The following PAX5 variants were observed in gnomAD, a reference collection of about 807,000 sequenced individuals.
The protein encoded by PAX5 is paired box 5.
A neutral mutation model predicts 43.7 loss-of-function variants in PAX5; 9 were observed. The observed-to-expected ratio is 0.21, with a 90% CI of 0.12 to 0.36. The LOEUF (loss-of-function observed/expected upper bound fraction) is 0.36. Ranked by LOEUF, PAX5 falls within the 10% of genes least tolerant of loss-of-function variation. The pLI is 1.00. For synonymous variants in PAX5, 228 were observed against 214.3 expected, an observed-to-expected ratio of 1.06 and a Z score of -0.56; for missense variants, 383 against 532.7, an observed-to-expected ratio of 0.72 and a Z score of 2.77.
At chr9:37,021,733 G>A (rs1053842267) in intron 1 of PAX5, among the ~76,000 whole-genome samples, 2 of 152,158 alleles carry the variant, frequency 1.3e-5, no homozygotes, top group Non-Finnish European at 2.9e-5. Flanking sequence ...AGTAAATGAA[G>A]AGCCAAACCA....
rs1210128169 is a variant in PAX5, at chr9:36,835,334, A to AGGCTGGT, written c.*5219_*5225dup. The AGGCTGGT allele has an allele frequency of 2.6e-5, 6 of 232,748 alleles. No individual in the cohort carries two copies. The highest frequency in any genetic ancestry group is 5.6e-5 in the Admixed American group (1 of 17,772). 14.4% of individuals were successfully genotyped at this position (232,748 alleles called of 1,614,324 possible). A position where few individuals can be genotyped will look rare whatever the true frequency, so the allele number is the denominator to read the frequency against. Reference sequence around the variant, plus strand: ...GAGGAATTACCAGAAAAGGAAAGACAGGCTGGTGCCTGCCTGCTCCTGGCC... The same window carrying AGGCTGGT: ...GAGGAATTACCAGAAAAGGAAAGACAGGCTGGTGGCTGGTGCCTGCCTGCTCCTGGCC... On this transcript the variant is annotated 3_prime_UTR_variant, in exon 10 of 10. Transcript: ENST00000358127.
chr9:36,972,953 A>G (rs998159847), intron 5 of PAX5, among the ~76,000 whole-genome samples: 1 of 151,724 alleles, frequency 6.6e-6, no homozygotes, highest in Non-Finnish European at 1.5e-5. Context: ...TCTTGAACCC[A>G]GGAGACGGAG....
At chr9:36,996,893 G>T (rs1278800892) in intron 5 of PAX5, among the ~76,000 whole-genome samples, 2 of 152,208 alleles carry the variant, frequency 1.3e-5, no homozygotes, top group Non-Finnish European at 2.9e-5. Flanking sequence ...AGAAGAAGGA[G>T]AGGGAGAGAG....
rs1175223050 is a variant in PAX5, at chr9:37,015,204, A to C, written c.213-10T>G. 1.6e-5 allele frequency: 25 copies of C among 1,611,830 alleles called. No homozygotes were observed. The highest frequency in any genetic ancestry group is 2.1e-5 in the Non-Finnish European group (25 of 1,178,154). Reference sequence around the variant, plus strand: ...TCCTGTCTCATAATACCTAGGACCCAAAGAGAAAGAAGCTTAGCCATGAGG... The same window carrying C: ...TCCTGTCTCATAATACCTAGGACCCCAAGAGAAAGAAGCTTAGCCATGAGG... On this transcript the variant is annotated splice_polypyrimidine_tract_variant and intron_variant, in intron 2 of 9. Coordinates refer to ENST00000358127, the MANE Select transcript of PAX5 (RefSeq NM_016734.3). This position sits in a 1 kb window ranked among gnomAD's most constrained non-coding sequence, Gnocchi z 4.4.
intron 9 of PAX5, among the ~76,000 whole-genome samples, chr9:36,843,546 G>A (rs140356813): frequency 6.6e-6 from 1 of 152,220 alleles, no homozygotes; most frequent in South Asian, 2.1e-4. Context: ...GCTCCTCCAG[G>A]TTATAGACTT....
intron 8 of PAX5, among the ~76,000 whole-genome samples, chr9:36,848,250 G>A (rs1039425952): frequency 1.3e-5 from 2 of 151,976 alleles, no homozygotes; most frequent in South Asian, 4.2e-4. Flanking sequence ...GATCTGCCAG[G>A]TGGGGCAGGA....
chr9:37,001,727 A>G (rs1248565058), intron 5 of PAX5, among the ~76,000 whole-genome samples: 1 of 149,862 alleles, frequency 6.7e-6, no homozygotes, highest in Non-Finnish European at 1.5e-5. Flanking sequence ...CACAGAGCTG[A>G]GAAAGGGAAT....
At chr9:36,928,161 A>T (rs773074988) in intron 6 of PAX5, among the ~76,000 whole-genome samples, 20 of 152,168 alleles carry the variant, frequency 1.3e-4, no homozygotes, top group Non-Finnish European at 2.8e-4. Context: ...CTAAGTCCTC[A>T]TCACCGTTTG....
Position 36,857,413 on chromosome 9 carries a change from G to T in PAX5, c.1013-10484C>A, listed in dbSNP as rs553080575. Among the ~76,000 whole-genome samples, 6 of 152,312 alleles carry T rather than the reference G, an allele frequency of 3.9e-5. No homozygotes were observed. In the East Asian group the frequency reaches 7.7e-4, roughly 20 times the overall value. On this transcript the variant is annotated intron_variant, in intron 8 of 9. Transcript: ENST00000358127. The stretch of plus-strand genomic sequence containing the variant: ...AGCTCAGAGCTAGGCCCCCAGTAAG[G>T]CATACTCAGTGAAATGCGCCTAGGC...
At chr9:36,991,423 G>A (rs1300523834) in intron 5 of PAX5, among the ~76,000 whole-genome samples, 1 of 151,964 alleles carries the variant, frequency 6.6e-6, no homozygotes, top group Non-Finnish European at 1.5e-5. Context: ...GGCCCAGAGA[G>A]AAGTGACTTG....
chr9:36,897,933 T>C (rs1243064413), intron 7 of PAX5, among the ~76,000 whole-genome samples: 1 of 152,216 alleles, frequency 6.6e-6, no homozygotes, highest in African/African-American at 2.4e-5. Flanking sequence ...TTGAGCCTAC[T>C]GGTCAGGGGC....
At chr9:36,940,748 G>A (rs1831982643) in intron 6 of PAX5, among the ~76,000 whole-genome samples, 1 of 152,144 alleles carries the variant, frequency 6.6e-6, no homozygotes, top group Non-Finnish European at 1.5e-5. Flanking sequence ...ATCAGGGTCA[G>A]AAATCATCTC....
chr9:36,863,423 C>T (rs1339778171), intron 8 of PAX5, among the ~76,000 whole-genome samples: 1 of 152,246 alleles, frequency 6.6e-6, no homozygotes, highest in African/African-American at 2.4e-5. Flanking sequence ...GCCACTGTGC[C>T]TGGCCTCAAC....
At chr9:37,002,607 G>T (rs1407041788) in intron 5 of PAX5, 41 bp downstream of exon 5, 3 of 1,588,900 alleles carry the variant, frequency 1.9e-6, no homozygotes, top group Non-Finnish European at 1.7e-6. Context: ...AACAGACCCC[G>T]TGGAGCGCAT....
intron 5 of PAX5, among the ~76,000 whole-genome samples, chr9:36,992,222 C>G (rs1465765622): frequency 2.0e-5 from 3 of 146,974 alleles, no homozygotes; most frequent in African/African-American, 7.6e-5. Flanking sequence ...TCCCCTTTGT[C>G]AACTGTCTTT....
intron 8 of PAX5, 49 bp downstream of exon 8, chr9:36,881,955 G>A (rs779040709): frequency 7.0e-6 from 10 of 1,433,502 alleles, no homozygotes; most frequent in African/African-American, 4.2e-5. Context: ...TCCCCCCACC[G>A]AAACCCCGTC....
chr9:36,947,241 C>A (rs778589222), intron 6 of PAX5, among the ~76,000 whole-genome samples: 3 of 152,192 alleles, frequency 2.0e-5, no homozygotes, highest in Non-Finnish European at 4.4e-5. Context: ...TCCAAAGTGA[C>A]AAGCCCTGAT....
intron 5 of PAX5, among the ~76,000 whole-genome samples, chr9:37,001,331 A>G (rs1837833482): frequency 6.6e-6 from 1 of 152,308 alleles, no homozygotes; most frequent in South Asian, 2.1e-4. Context: ...CTCCACCGTG[A>G]ACAAATACAT....
chr9:37,027,671 C>T (rs1477626276), intron 1 of PAX5, among the ~76,000 whole-genome samples: 1 of 152,198 alleles, frequency 6.6e-6, no homozygotes, highest in African/African-American at 2.4e-5. Context: ...CCGCGCCGCC[C>T]CGGAGCCGCT....
Sources: allele counts gnomAD v4.1 joint callset (sites outside exome capture counted in the v4.1 genomes callset), GRCh38; gene constraint gnomAD v4.1.1; non-coding constraint Gnocchi (gnomAD v3.1); transcripts MANE v1.5; gene names NCBI Gene and HGNC (gene_info 2026-07-23, HGNC 2026-07-21).